The following SYT1 variants were observed in gnomAD, a reference collection of about 807,000 sequenced individuals.
SYT1 encodes synaptotagmin-1.
SYT1 carries 8 observed loss-of-function variants against 44.8 expected under a neutral mutation model. That is an observed-to-expected ratio of 0.18 (90% CI 0.10 to 0.32). The LOEUF (loss-of-function observed/expected upper bound fraction) is 0.32, where lower values mean the gene tolerates loss of function less well. SYT1 is among the 10% of genes least tolerant of loss of function. SYT1 has a pLI of 1.00. For synonymous variants in SYT1, 154 were observed against 188.8 expected, an observed-to-expected ratio of 0.82 and a Z score of 1.51; for missense variants, 286 against 509.3, an observed-to-expected ratio of 0.56 and a Z score of 4.22.
At chr12:79,081,441 A>T (rs1437316875) in intron 3 of SYT1, among the ~76,000 whole-genome samples, 1 of 150,296 alleles carries the variant, frequency 6.7e-6, no homozygotes, top group Non-Finnish European at 1.5e-5. Context: ...GTGCAGTGGC[A>T]TGATCTTGGC....
At chr12:79,187,226 A>G (rs1025141938) in intron 3 of SYT1, among the ~76,000 whole-genome samples, 4 of 152,078 alleles carry the variant, frequency 2.6e-5, no homozygotes, top group African/African-American at 9.7e-5. Flanking sequence ...AAAAAGATAT[A>G]TATTGGATGG....
intron 2 of SYT1, among the ~76,000 whole-genome samples, chr12:78,983,666 T>C: frequency 6.6e-6 from 1 of 152,102 alleles, no homozygotes; most frequent in East Asian, 1.9e-4. Context: ...CACATATAAA[T>C]GTCTGAATAC....
At chr12:78,879,027 T>C (rs753624432) in intron 1 of SYT1, among the ~76,000 whole-genome samples, 1 of 151,664 alleles carries the variant, frequency 6.6e-6, no homozygotes, top group Non-Finnish European at 1.5e-5. Context: ...CACAGTCCAT[T>C]AGCCAGACCC....
chr12:79,343,081 G>T (rs1310514486), intron 8 of SYT1, among the ~76,000 whole-genome samples: 1 of 152,202 alleles, frequency 6.6e-6, no homozygotes, highest in Non-Finnish European at 1.5e-5. Context: ...GGAAATCATT[G>T]TATTATAGAA....
At position 79,276,630 on chromosome 12, in the gene SYT1, C is replaced by T. The variant is rs146055895; in HGVS notation, c.167-9157C>T. ...GGCAGAGGTTGCAGTGAGCTAAGATCGCGCCACTGCACTCTAGCCTGGTGA... is the reference window on the plus strand; with the variant it reads ...GGCAGAGGTTGCAGTGAGCTAAGATTGCGCCACTGCACTCTAGCCTGGTGA... On this transcript the variant is annotated intron_variant, in intron 4 of 10. Transcript: ENST00000261205. Among the ~76,000 whole-genome samples, 14 of 150,188 alleles carry T rather than the reference C, an allele frequency of 9.3e-5. No individual in the cohort carries two copies. The East Asian group carries it at 1.2e-3, about 13-fold the overall frequency.
chr12:79,148,773 A>G (rs1790586990), intron 3 of SYT1, among the ~76,000 whole-genome samples: 1 of 152,134 alleles, frequency 6.6e-6, no homozygotes, highest in African/African-American at 2.4e-5. Flanking sequence ...AACAATGATG[A>G]TGATAGACTT....
At chr12:78,882,740 G>A (rs577944831) in intron 1 of SYT1, among the ~76,000 whole-genome samples, 15 of 151,878 alleles carry the variant, frequency 9.9e-5, no homozygotes, top group African/African-American at 3.6e-4. Context: ...GTACTGATGA[G>A]ACTAAATTTA....
intron 1 of SYT1, among the ~76,000 whole-genome samples, chr12:78,975,189 A>G (rs1868733486): frequency 7.0e-6 from 1 of 143,384 alleles, no homozygotes; most frequent in Non-Finnish European, 1.5e-5. Context: ...CCAGTTCTCC[A>G]TGAGGTTCCT....
intron 3 of SYT1, among the ~76,000 whole-genome samples, chr12:79,094,065 T>C (rs1877956820): frequency 6.6e-6 from 1 of 151,682 alleles, no homozygotes; most frequent in South Asian, 2.1e-4. Flanking sequence ...TAAGCTAAAA[T>C]GTATGATTAA....
At chr12:78,924,712 T>G (rs893915821) in intron 1 of SYT1, among the ~76,000 whole-genome samples, 5 of 150,186 alleles carry the variant, frequency 3.3e-5, no homozygotes, top group Admixed American at 2.7e-4. Flanking sequence ...TGGATTTGAG[T>G]TAAGGGAGCT....
chr12:78,911,870 C>T (rs1213688302), intron 1 of SYT1, among the ~76,000 whole-genome samples: 4 of 151,840 alleles, frequency 2.6e-5, no homozygotes, highest in African/African-American at 7.2e-5. Flanking sequence ...CTAGAGGCTC[C>T]CCATTGGGAC....
chr12:79,086,504 A>G (rs1460520019), intron 3 of SYT1, among the ~76,000 whole-genome samples: 2 of 152,214 alleles, frequency 1.3e-5, no homozygotes, highest in East Asian at 1.9e-4. Flanking sequence ...TTTCATCCCC[A>G]GAAGTTTAGT....
intron 9 of SYT1, among the ~76,000 whole-genome samples, chr12:79,420,958 A>C (rs1462224733): frequency 6.6e-6 from 1 of 152,122 alleles, no homozygotes; most frequent in Non-Finnish European, 1.5e-5. Flanking sequence ...AAGTCCTGCC[A>C]CTTCCAGAGT....
intron 9 of SYT1, among the ~76,000 whole-genome samples, chr12:79,427,519 T>A (rs369599636): frequency 5.3e-5 from 8 of 152,346 alleles, no homozygotes; most frequent in Admixed American, 3.9e-4. Flanking sequence ...ACGGAAATGG[T>A]TCCTGTCTTT....
At chr12:79,390,591 AC>A (rs1884619550) in intron 9 of SYT1, among the ~76,000 whole-genome samples, 1 of 151,986 alleles carries the variant, frequency 6.6e-6, no homozygotes, top group African/African-American at 2.4e-5. Flanking sequence ...TTTCAGCGTT[AC>A]CCACTGACTC....
intron 3 of SYT1, among the ~76,000 whole-genome samples, chr12:79,116,409 A>G (rs1879279819): frequency 6.6e-6 from 1 of 152,206 alleles, no homozygotes; most frequent in South Asian, 2.1e-4. Flanking sequence ...ATAGGTGAAA[A>G]TTAGGAAGGC....
At chr12:79,321,960 G>A (rs1881381957) in intron 8 of SYT1, among the ~76,000 whole-genome samples, 2 of 152,192 alleles carry the variant, frequency 1.3e-5, no homozygotes, top group Admixed American at 6.5e-5. Flanking sequence ...GCCCGGACGA[G>A]AGGAGAGAAG....
chr12:79,263,179 C>T (rs1877928571), intron 4 of SYT1, among the ~76,000 whole-genome samples: 1 of 152,010 alleles, frequency 6.6e-6, no homozygotes, highest in Non-Finnish European at 1.5e-5. Context: ...AGTGAGCTCG[C>T]ATTCTGGGGT....
At chr12:79,103,782 C>A (rs1878562905) in intron 3 of SYT1, among the ~76,000 whole-genome samples, 1 of 152,060 alleles carries the variant, frequency 6.6e-6, no homozygotes, top group Admixed American at 6.6e-5. Context: ...CAGATTTACT[C>A]TGAGCAGGCA....
Sources: allele counts gnomAD v4.1 joint callset (sites outside exome capture counted in the v4.1 genomes callset), GRCh38; gene constraint gnomAD v4.1.1; transcripts MANE v1.5; gene names NCBI Gene and HGNC (gene_info 2026-07-23, HGNC 2026-07-21).